HERC2: variants seen among roughly 807,000 people sequenced by gnomAD.
The protein encoded by HERC2 is E3 ubiquitin-protein ligase HERC2.
A neutral mutation model predicts 537.7 loss-of-function variants in HERC2; 102 were observed. The observed-to-expected ratio is 0.19, with a 90% confidence interval of 0.16 to 0.22. The LOEUF (loss-of-function observed/expected upper bound fraction) is 0.22, where lower values mean the gene tolerates loss of function less well. HERC2 is among the 10% of genes least tolerant of loss of function. HERC2 has a pLI of 1.00. For synonymous variants in HERC2, 2,224 were observed against 2,466.2 expected, an observed-to-expected ratio of 0.90 and a Z score of 2.91; for missense variants, 4,236 against 6,198.2, an observed-to-expected ratio of 0.68 and a Z score of 10.63.
rs746542360 is a variant in HERC2 at position 28,124,238 on chromosome 15, G to C, written c.12991-4C>G. ...GGTGATTGTACTCCATGGGGACCTA[G>C]AACACAGAAATGGCCTTCAGCCCCT... On this transcript the variant is annotated splice_region_variant and splice_polypyrimidine_tract_variant and intron_variant, in intron 84 of 92. Coordinates refer to ENST00000261609, the MANE Select transcript of HERC2 (RefSeq NM_004667.6). The C allele has an allele frequency of 1.2e-5, 17 of 1,454,458 alleles. No individual in the cohort carries two copies. The highest frequency in any genetic ancestry group is 1.5e-5 in the Non-Finnish European group (16 of 1,095,890). 90.1% of individuals were successfully genotyped at this position (1,454,458 alleles called of 1,614,324 possible). A position where few individuals can be genotyped will look rare whatever the true frequency, so the allele number is the denominator to read the frequency against.
chr15:28,117,494 C>T (rs533915686), intron 86 of HERC2: 83 of 604,346 alleles, frequency 1.4e-4, no homozygotes, highest in African/African-American at 1.3e-3. Context: ...CACGGACCAT[C>T]CTCACACCCT....
At chr15:28,230,904 T>G (rs1901763772) in intron 30 of HERC2, among the ~76,000 whole-genome samples, 1 of 152,198 alleles carries the variant, frequency 6.6e-6, no homozygotes, top group African/African-American at 2.4e-5. Context: ...AATTTTAGCT[T>G]CATGTAATTT....
chr15:28,172,109 T>G (rs2140120314), intron 65 of HERC2, among the ~76,000 whole-genome samples: 1 of 149,500 alleles, frequency 6.7e-6, no homozygotes, highest in East Asian at 1.9e-4. Context: ...ATACTGGGAC[T>G]AGAAAACATT....
chr15:28,136,476 C>T (rs8033795), intron 78 of HERC2, among the ~76,000 whole-genome samples: 11 of 152,288 alleles, frequency 7.2e-5, no homozygotes, highest in African/African-American at 2.4e-4. Context: ...GCATGCCTCC[C>T]AGGACTTCCT....
At chr15:28,127,692 G>A (rs971600468) in intron 83 of HERC2, among the ~76,000 whole-genome samples, 4 of 152,092 alleles carry the variant, frequency 2.6e-5, no homozygotes, top group South Asian at 2.1e-4. Context: ...GGGGCATGGC[G>A]GGAACAAGTG....
At chr15:28,124,292 G>A (rs1454236160) in intron 84 of HERC2, 58 bp from the exon 85 acceptor site, 29 of 1,185,206 alleles carry the variant, frequency 2.4e-5, no homozygotes, top group Non-Finnish European at 3.2e-5. Context: ...GGGGGCCAGT[G>A]TGGCATCCAT....
At position 28,268,357 on chromosome 15, in the gene HERC2, T is replaced by C; in HGVS notation, c.1598+108A>G. 1 of 1,022,480 alleles carries C rather than the reference T, an allele frequency of 9.8e-7. No individual in the cohort carries two copies. Among genetic ancestry groups the C allele is most frequent in the African/African-American group, 1.6e-5 (1 of 62,946 alleles). The allele number at this position is 1,022,480 out of a possible 1,614,324, so 63.3% of individuals were successfully genotyped here. A position where few individuals can be genotyped will look rare whatever the true frequency, so the allele number is the denominator to read the frequency against. ...TGTCCTGCTCCATCCCAGCGCTACA[T>C]GTCAGGGCAATTGGAAAACACCTGG... On this transcript the variant is annotated intron_variant, in intron 12 of 92. Coordinates refer to ENST00000261609, the MANE Select transcript of HERC2 (RefSeq NM_004667.6). The surrounding 1 kb of genome is among the most constrained non-coding windows in gnomAD (Gnocchi z 4.7).
chr15:28,258,364 C>G (rs1328671575), intron 16 of HERC2, among the ~76,000 whole-genome samples: 1 of 152,054 alleles, frequency 6.6e-6, no homozygotes, highest in Admixed American at 6.6e-5. Flanking sequence ...CCCAGCTAAT[C>G]AGGAAGCTGA....
intron 70 of HERC2, 99 bp downstream of exon 70, chr15:28,152,578 A>C (rs1892565714): frequency 9.1e-7 from 1 of 1,099,172 alleles, no homozygotes; most frequent in Non-Finnish European, 1.3e-6. Context: ...ACTTCTTTTT[A>C]TAAAATGGAG....
intron 45 of HERC2, among the ~76,000 whole-genome samples, chr15:28,204,396 C>G (rs1014839379): frequency 2.0e-5 from 3 of 152,198 alleles, no homozygotes; most frequent in African/African-American, 4.8e-5. Flanking sequence ...CCGAGGAGGG[C>G]GGATCATGAG....
At chr15:28,180,608 G>A (rs1895732679) in intron 57 of HERC2, among the ~76,000 whole-genome samples, 1 of 152,212 alleles carries the variant, frequency 6.6e-6, no homozygotes, top group Non-Finnish European at 1.5e-5. Flanking sequence ...GAGGGTTCAT[G>A]AAGCTATTCA....
Position 28,218,581 on chromosome 15 carries a change from C to G in HERC2, c.5936G>C (p.Gly1979Ala). The change falls in exon 38 of 93, where the codon GGA (glycine) becomes GCA (alanine). Residue 1979 changes from glycine (G) to alanine (A), a missense_variant. Around this residue, in one of 27 missense-constraint regions of HERC2, gnomAD observed 365 missense variants for 468.8 expected, o/e 0.78. Transcript: ENST00000261609. ...GCTCTGCATGATCTCAGCATGAACT[C>G]CAGCAGACAGACAAAGAGTCTGCAG... ...NLLQTLCLSAGVHAEIMQSEA... is the reference protein window; with the variant it reads ...NLLQTLCLSAAVHAEIMQSEA... 1 of 1,597,890 alleles carries G rather than the reference C, an allele frequency of 6.3e-7. No homozygotes were observed. Among genetic ancestry groups the G allele is most frequent in the Non-Finnish European group, 8.5e-7 (1 of 1,179,430 alleles).
At chr15:28,206,830 C>A (rs1205885462) in intron 44 of HERC2, among the ~76,000 whole-genome samples, 3 of 46,526 alleles carry the variant, frequency 6.4e-5, no homozygotes, top group Non-Finnish European at 7.8e-5. Context: ...AAGACTCGGT[C>A]TCAAAAAAAA....
chr15:28,309,898 T>C (rs2076893731), intron 2 of HERC2, among the ~76,000 whole-genome samples: 2 of 152,256 alleles, frequency 1.3e-5, no homozygotes. Context: ...AGCACTCTTA[T>C]TTTTTCTGTT....
chr15:28,293,059 T>C (rs755046770), intron 3 of HERC2, 37 bp from the exon 4 acceptor site: 4 of 1,589,424 alleles, frequency 2.5e-6, no homozygotes, highest in Non-Finnish European at 3.4e-6. Context: ...GTCACCGCTT[T>C]TCAGAATGCC....
At chr15:28,173,601 C>T (rs1450429355) in intron 65 of HERC2, among the ~76,000 whole-genome samples, 1 of 151,878 alleles carries the variant, frequency 6.6e-6, no homozygotes, top group Non-Finnish European at 1.5e-5. Context: ...GAGTTCAAGA[C>T]CAACCTGAGC....
chr15:28,255,167 C>G (rs1192597376), intron 19 of HERC2, among the ~76,000 whole-genome samples: 1 of 152,070 alleles, frequency 6.6e-6, no homozygotes, highest in South Asian at 2.1e-4. Flanking sequence ...AACACCTTGT[C>G]TCTACAAAAA....
At chr15:28,249,332 C>T (rs1295020624) in intron 20 of HERC2, among the ~76,000 whole-genome samples, 1 of 152,194 alleles carries the variant, frequency 6.6e-6, no homozygotes, top group Non-Finnish European at 1.5e-5. Flanking sequence ...AAGACCAAAG[C>T]AGGTGCCCAA....
At chr15:28,123,010 C>T (rs935450620) in intron 85 of HERC2, among the ~76,000 whole-genome samples, 1 of 152,154 alleles carries the variant, frequency 6.6e-6, no homozygotes, top group African/African-American at 2.4e-5. Context: ...TAAAATTAAT[C>T]GTTTGCTACT....
Sources: gnomAD v4.1 joint callset for allele counts (sites outside exome capture counted in the v4.1 genomes callset) on GRCh38, gnomAD v4.1.1 for gene constraint, gnomAD v4.1.1 regional missense constraint, Gnocchi (gnomAD v3.1) non-coding constraint, MANE v1.5 for transcripts, NCBI Gene and HGNC (gene_info 2026-07-23, HGNC 2026-07-21) for gene names.